FRYL: variants seen among roughly 807,000 people sequenced by gnomAD.
FRYL encodes the protein FRY like transcription coactivator.
FRYL carries 150 observed loss-of-function variants against 351.2 expected under a neutral mutation model. The ratio of observed to expected loss-of-function variants is 0.43; its 90% CI spans 0.37 to 0.49. The LOEUF (loss-of-function observed/expected upper bound fraction) is 0.49. FRYL is among the 20% of genes least tolerant of loss of function. FRYL has a pLI of 0.00. For missense variants in FRYL, 3,036 were observed against 3,619.3 expected (o/e 0.84, Z 4.13); for synonymous variants, 1,153 against 1,257.1 (o/e 0.92, Z 1.75).
chr4:48,540,232 C>G, intron 46 of FRYL, 121 bp downstream of exon 46: 1 of 1,238,840 alleles, frequency 8.1e-7, no homozygotes, highest in Non-Finnish European at 1.1e-6. Flanking sequence ...TTTAAGCTAC[C>G]TAGCGTATAA....
intron 7 of FRYL, among the ~76,000 whole-genome samples, chr4:48,610,467 G>A (rs750183144): frequency 1.1e-4 from 17 of 151,320 alleles, no homozygotes; most frequent in African/African-American, 2.9e-4. Flanking sequence ...ACATGCATGC[G>A]TGCATTCCTT....
At chr4:48,668,911 C>A (rs1282647875) in intron 3 of FRYL, among the ~76,000 whole-genome samples, 1 of 152,176 alleles carries the variant, frequency 6.6e-6, no homozygotes, top group Non-Finnish European at 1.5e-5. Context: ...TTCCTGAATT[C>A]CCTTTATAGC....
intron 1 of FRYL, among the ~76,000 whole-genome samples, chr4:48,778,975 T>C (rs1180430286): frequency 6.6e-6 from 1 of 150,446 alleles, no homozygotes; most frequent in Non-Finnish European, 1.5e-5. Flanking sequence ...TAAGAACTCT[T>C]GCTCCTCACC....
intron 5 of FRYL, among the ~76,000 whole-genome samples, chr4:48,622,267 T>G (rs1750805170): frequency 6.6e-6 from 1 of 152,208 alleles, no homozygotes; most frequent in East Asian, 1.9e-4. Context: ...AAATAACTTT[T>G]GTAGTGGCAT....
At chr4:48,517,097 T>A (rs1723804620) in intron 55 of FRYL, among the ~76,000 whole-genome samples, 1 of 152,214 alleles carries the variant, frequency 6.6e-6, no homozygotes. Context: ...GTAGGATTAT[T>A]TCTTAATTCT....
rs73815313 is a variant in FRYL, at chr4:48,673,796, C to A, written c.-81+10877G>T. On this transcript the variant is annotated intron_variant, in intron 3 of 63. Transcript: ENST00000358350. ...TTAGATAACATTCACTAACTTCAAT[C>A]AGTGAGCAACTATTATGTCCCAAGC... Among the ~76,000 whole-genome samples the A allele has an allele frequency of 2.7e-3, 414 of 152,270 alleles. 1 individual carries two copies. The highest frequency in any genetic ancestry group is 9.5e-3 in the African/African-American group (396 of 41,546).
chr4:48,648,811 T>C (rs1757059499), intron 3 of FRYL, among the ~76,000 whole-genome samples: 1 of 152,162 alleles, frequency 6.6e-6, no homozygotes, highest in Non-Finnish European at 1.5e-5. Context: ...ATGTCCAGAA[T>C]AGACAAATCC....
intron 18 of FRYL, among the ~76,000 whole-genome samples, chr4:48,589,266 T>C (rs996241657): frequency 6.6e-6 from 1 of 151,752 alleles, no homozygotes. Flanking sequence ...ACAAGGCCCT[T>C]GGGGTGGGGT....
At chr4:48,642,284 A>C (rs939347119) in intron 3 of FRYL, among the ~76,000 whole-genome samples, 1 of 152,176 alleles carries the variant, frequency 6.6e-6, no homozygotes, top group Non-Finnish European at 1.5e-5. Context: ...TACTTGAAAA[A>C]AACTTGACAT....
At chr4:48,759,075 C>T (rs1578948179) in intron 1 of FRYL, among the ~76,000 whole-genome samples, 1 of 152,072 alleles carries the variant, frequency 6.6e-6, no homozygotes, top group South Asian at 2.1e-4. Flanking sequence ...ACACCAGGGC[C>T]TGTCATGGCG....
At chr4:48,658,030 A>C (rs893831681) in intron 3 of FRYL, among the ~76,000 whole-genome samples, 2 of 152,226 alleles carry the variant, frequency 1.3e-5, no homozygotes, top group Non-Finnish European at 2.9e-5. Context: ...CAACAGAGGT[A>C]CATTCCAATA....
chr4:48,518,982 C>T (rs1028924596), intron 55 of FRYL, among the ~76,000 whole-genome samples: 3 of 152,320 alleles, frequency 2.0e-5, no homozygotes, highest in East Asian at 3.9e-4. Context: ...CACGAGGTAG[C>T]GCCTCAGTAG....
chr4:48,755,861 G>A (rs1184291612), intron 1 of FRYL, among the ~76,000 whole-genome samples: 6 of 151,598 alleles, frequency 4.0e-5, no homozygotes, highest in Non-Finnish European at 8.8e-5. Context: ...CAAGACAAAT[G>A]TGTCAATTTA....
intron 1 of FRYL, among the ~76,000 whole-genome samples, chr4:48,750,135 T>TAA (rs573603384): frequency 3.8e-5 from 3 of 77,936 alleles, no homozygotes; most frequent in Non-Finnish European, 5.3e-5. Flanking sequence ...CTCCATCTAT[T>TAA]AAAAAAAAAA....
At chr4:48,524,467 T>G (rs975496488) in intron 53 of FRYL, among the ~76,000 whole-genome samples, 1 of 152,204 alleles carries the variant, frequency 6.6e-6, no homozygotes, top group Admixed American at 6.5e-5. Flanking sequence ...GGTGAGTGAA[T>G]GAATATGCAC....
intron 1 of FRYL, among the ~76,000 whole-genome samples, chr4:48,726,247 A>G (rs1032198594): frequency 5.3e-5 from 8 of 152,240 alleles, no homozygotes; most frequent in Non-Finnish European, 1.0e-4. Flanking sequence ...AAAGATACAG[A>G]GGCCATTAAC....
At chr4:48,670,253 G>A (rs932763925) in intron 3 of FRYL, among the ~76,000 whole-genome samples, 5 of 151,866 alleles carry the variant, frequency 3.3e-5, no homozygotes, top group African/African-American at 4.8e-5. Context: ...GGCCAACATG[G>A]TGAAACCCAT....
At chr4:48,569,939 G>C (rs534896323) in intron 27 of FRYL, among the ~76,000 whole-genome samples, 1 of 152,062 alleles carries the variant, frequency 6.6e-6, no homozygotes, top group Non-Finnish European at 1.5e-5. Flanking sequence ...CAGCCTTCCA[G>C]GTATCTGGGA....
intron 13 of FRYL, among the ~76,000 whole-genome samples, chr4:48,600,927 C>T (rs545684802): frequency 6.6e-6 from 1 of 152,258 alleles, no homozygotes; most frequent in Non-Finnish European, 1.5e-5. Context: ...CTCATCCAAA[C>T]ATGAGTAATA....
Sources: allele counts gnomAD v4.1 joint callset (sites outside exome capture counted in the v4.1 genomes callset), GRCh38; gene constraint gnomAD v4.1.1; transcripts MANE v1.5; gene names NCBI Gene and HGNC (gene_info 2026-07-23, HGNC 2026-07-21).